Variants in RPS18 observed in about 807,000 individuals in gnomAD.
The protein encoded by RPS18 is small ribosomal subunit protein uS13.
For missense variants in RPS18, 49 were observed against 200.8 expected, an observed-to-expected ratio of 0.24 and a Z score of 4.57; for synonymous variants, 64 against 70.9, an observed-to-expected ratio of 0.90 and a Z score of 0.49.
At chr6:33,272,201 G>A in intron 1 of RPS18, 79 bp downstream of exon 1, 12 of 1,495,330 alleles carry the variant, frequency 8.0e-6, no homozygotes, top group Non-Finnish European at 1.1e-5. Flanking sequence ...TTCTGGAAAC[G>A]TCCTGCCCTG....
At chr6:33,272,247 C>A in intron 1 of RPS18, 125 bp downstream of exon 1, 2 of 1,116,910 alleles carry the variant, frequency 1.8e-6, no homozygotes, top group Non-Finnish European at 2.6e-6. Context: ...CCTTGGATCG[C>A]GTCCCTGGAA....
chr6:33,275,328 T>C (rs371120611), intron 2 of RPS18: 1 of 168,922 alleles, frequency 5.9e-6, no homozygotes, highest in East Asian at 1.7e-4. Context: ...AAGTTACTTT[T>C]TTCTTTTTTT....
chr6:33,275,411 T>C (rs72654476), intron 2 of RPS18: 7,147 of 213,986 alleles, frequency 0.033, 217 homozygotes, highest in African/African-American at 0.086. Flanking sequence ...CTCCACCTCC[T>C]AGGTTCAAGC....
intron 1 of RPS18, 187 bp downstream of exon 1, chr6:33,272,309 T>A: frequency 1.5e-6 from 1 of 682,340 alleles, no homozygotes; most frequent in Non-Finnish European, 2.5e-6. Flanking sequence ...GAAGGGTCAC[T>A]GCTCGGGCGC....
intron 1 of RPS18, chr6:33,272,406 C>G (rs1383217060): frequency 6.6e-6 from 4 of 605,800 alleles, no homozygotes; most frequent in African/African-American, 1.9e-5. Flanking sequence ...CCTGCTTCCT[C>G]TCTCCAGAGG....
At chr6:33,272,929 G>T (rs1765333900) in intron 2 of RPS18, among the ~76,000 whole-genome samples, 1 of 152,176 alleles carries the variant, frequency 6.6e-6, no homozygotes, top group South Asian at 2.1e-4. Context: ...CAAGATAGTG[G>T]TCTAAGGTCA....
At chr6:33,272,362 C>G (rs1205891243) in intron 1 of RPS18, 1 of 607,726 alleles carries the variant, frequency 1.6e-6, no homozygotes, top group African/African-American at 1.8e-5. Flanking sequence ...GGAACTCTGG[C>G]TTTTGCCACG....
At chr6:33,274,861 T>C (rs1351251909) in intron 2 of RPS18, among the ~76,000 whole-genome samples, 2 of 152,220 alleles carry the variant, frequency 1.3e-5, no homozygotes, top group African/African-American at 4.8e-5. Context: ...GGGCTCAGTA[T>C]TCAGTTCCTC....
At chr6:33,274,632 G>C (rs1198204037) in intron 2 of RPS18, among the ~76,000 whole-genome samples, 1 of 152,156 alleles carries the variant, frequency 6.6e-6, no homozygotes, top group Admixed American at 6.5e-5. Context: ...GTCTTCTGGT[G>C]GTTGTCAGTA....
Position 33,276,238 on chromosome 6 carries a change from G to A in RPS18, c.354G>A (p.Arg118=), listed in dbSNP as rs965006064. The change falls in exon 5 of 6, where the codon CGG becomes CGA. Residue 118 remains arginine, a synonymous_variant. Transcript: ENST00000439602. ...ACCTGGAGCGACTGAAGAAGATTCG[G>A]GCCCATAGAGGGCTGCGTCACTTCT... The part of the protein sequence containing the change: ...REDLERLKKI[R]AHRGLRHFWG... 1.2e-6 allele frequency: 2 copies of A among 1,614,094 alleles called. No homozygotes were observed. The highest frequency in any genetic ancestry group is 8.5e-7 in the Non-Finnish European group (1 of 1,180,012).
intron 1 of RPS18, 53 bp downstream of exon 1, chr6:33,272,175 A>C: frequency 6.4e-7 from 1 of 1,550,940 alleles, no homozygotes; most frequent in Admixed American, 2.0e-5. Flanking sequence ...CGGGCAAGGA[A>C]AGCCGGCTGT....
At chr6:33,273,482 T>C (rs570503984) in intron 2 of RPS18, among the ~76,000 whole-genome samples, 1 of 152,274 alleles carries the variant, frequency 6.6e-6, no homozygotes, top group African/African-American at 2.4e-5. Context: ...TTGGCTTCTG[T>C]TGCATGGTAG....
intron 2 of RPS18, among the ~76,000 whole-genome samples, chr6:33,274,485 C>T (rs1362806819): frequency 1.3e-5 from 2 of 152,186 alleles, no homozygotes; most frequent in South Asian, 2.1e-4. Flanking sequence ...TGAAGCCAAC[C>T]CTTGATCTCT....
rs139139654 is a variant in RPS18 at position 33,272,096 on chromosome 6, C to T, written c.-24C>T. ...CGCTCTCTCTTCCACAGGAGGCCTA[C>T]ACGCCGCCGCTTGTGCTGCAGCCAT... On this transcript the variant is annotated 5_prime_UTR_variant, in exon 1 of 6. Transcript: ENST00000439602. The T allele has an allele frequency of 1.9e-4, 301 of 1,565,946 alleles. No homozygotes were observed. The highest frequency in any genetic ancestry group is 8.8e-4 in the Admixed American group (47 of 53,366).
intron 2 of RPS18, among the ~76,000 whole-genome samples, chr6:33,274,351 C>T (rs1343940528): frequency 1.3e-5 from 2 of 152,116 alleles, no homozygotes; most frequent in African/African-American, 4.8e-5. Context: ...TGTGCACCAC[C>T]ACATCTGGCT....
rs748281195 is a variant in RPS18, at chr6:33,272,093, C to T, written c.-27C>T. ...TTCCGCTCTCTCTTCCACAGGAGGCCTACACGCCGCCGCTTGTGCTGCAGC... is the reference window on the plus strand; with the variant it reads ...TTCCGCTCTCTCTTCCACAGGAGGCTTACACGCCGCCGCTTGTGCTGCAGC... On this transcript the variant is annotated 5_prime_UTR_variant, in exon 1 of 6. Transcript: ENST00000439602. The T allele has an allele frequency of 7.7e-5, 121 of 1,565,614 alleles. No homozygotes were observed. Among genetic ancestry groups the T allele is most frequent in the Admixed American group, 2.3e-4 (12 of 53,296 alleles).
chr6:33,273,817 C>A (rs548530929), intron 2 of RPS18, among the ~76,000 whole-genome samples: 8 of 152,286 alleles, frequency 5.3e-5, no homozygotes, highest in African/African-American at 1.2e-4. Context: ...GTGGCTCACT[C>A]GGAGGCTGAA....
At chr6:33,275,747 A>AT in intron 2 of RPS18, 50 bp from the exon 3 acceptor site, 2 of 1,205,200 alleles carry the variant, frequency 1.7e-6, no homozygotes, top group Non-Finnish European at 2.5e-6. Flanking sequence ...CTATAAAGGA[A>AT]TTTAAAAATC....
At chr6:33,272,322 G>A in intron 1 of RPS18, 200 bp downstream of exon 1, 1 of 652,962 alleles carries the variant, frequency 1.5e-6, no homozygotes. Flanking sequence ...TCGGGCGCAC[G>A]AAAGCTGTCT....
Sources: gnomAD v4.1 joint callset for allele counts (sites outside exome capture counted in the v4.1 genomes callset) on GRCh38, gnomAD v4.1.1 for gene constraint, MANE v1.5 for transcripts, NCBI Gene and HGNC (gene_info 2026-07-23, HGNC 2026-07-21) for gene names.